Variants in PAPPA2 observed in about 807,000 individuals in gnomAD.
PAPPA2 encodes pappalysin 2, also known as pappalysin-2.
Under a neutral mutation model 176.4 loss-of-function variants are expected in PAPPA2, and 86 were observed. That is an observed-to-expected ratio of 0.49 (90% CI 0.41 to 0.58). PAPPA2 has a LOEUF of 0.58. Among genes scored for constraint, PAPPA2 ranks in the 20% least tolerant of loss-of-function variants. The pLI is 0.00. For missense variants in PAPPA2, 2,073 were observed against 2,256.9 expected (o/e 0.92, Z 1.65); for synonymous variants, 809 against 852.2 (o/e 0.95, Z 0.88).
chr1:176,595,526 A>T lies in PAPPA2; in HGVS notation c.1922A>T (p.Asp641Val). ...ECNNMLNDFD[D>V]GDCCDPQVAD... ...AACAACATGCTGAACGACTTTGACGACGGAGACTGCTGCGACCCCCAGGTG... is the reference window on the plus strand; with the variant it reads ...AACAACATGCTGAACGACTTTGACGTCGGAGACTGCTGCGACCCCCAGGTG... Residue 641 changes from aspartate to valine, a missense_variant, in exon 3 of 23, where the codon GAC becomes GTC. Coordinates refer to ENST00000367662, the MANE Select transcript of PAPPA2 (RefSeq NM_020318.3). 1 of 1,614,164 alleles carries T rather than the reference A, an allele frequency of 6.2e-7. No homozygotes were observed. Among genetic ancestry groups the T allele is most frequent in the Non-Finnish European group, 8.5e-7 (1 of 1,180,024 alleles).
rs571639210 is a variant in PAPPA2 at position 176,615,650 on chromosome 1, A to G, written c.1991+20055A>G. The stretch of plus-strand genomic sequence containing the variant: ...CCTGGAGGTTTTTAATAAAAGCACA[A>G]AGTGAGATTTATAGAAACACATGAA... On this transcript the variant is annotated intron_variant, in intron 3 of 22. Coordinates refer to ENST00000367662, the MANE Select transcript of PAPPA2 (RefSeq NM_020318.3). Among the ~76,000 whole-genome samples, 131 of 152,302 alleles carry G rather than the reference A, an allele frequency of 8.6e-4. 1 individual carries two copies. The highest frequency in any genetic ancestry group is 2.9e-3 in the African/African-American group (120 of 41,566).
intron 3 of PAPPA2, among the ~76,000 whole-genome samples, chr1:176,596,588 G>C (rs1558462098): frequency 1.3e-5 from 2 of 152,188 alleles, no homozygotes; most frequent in African/African-American, 2.4e-5. Context: ...TAGTACTTCA[G>C]ATAATTTGTC....
At chr1:176,570,137 G>A (rs919960328) in intron 2 of PAPPA2, among the ~76,000 whole-genome samples, 1 of 152,126 alleles carries the variant, frequency 6.6e-6, no homozygotes, top group Non-Finnish European at 1.5e-5. Flanking sequence ...TCCCGTGGGC[G>A]GGAGGAAGAG....
At chr1:176,499,911 T>C (rs952638327) in intron 1 of PAPPA2, among the ~76,000 whole-genome samples, 1 of 152,210 alleles carries the variant, frequency 6.6e-6, no homozygotes, top group African/African-American at 2.4e-5. Context: ...TGAGTCGTGA[T>C]GTGTCCCTCT....
chr1:176,695,694 A>G (rs903839522), intron 6 of PAPPA2, 44 bp from the exon 7 acceptor site: 1 of 1,607,620 alleles, frequency 6.2e-7, no homozygotes, highest in Admixed American at 1.7e-5. Flanking sequence ...AACTCATCTG[A>G]TGGACTCTCC....
At chr1:176,638,596 C>A (rs941505057) in intron 3 of PAPPA2, among the ~76,000 whole-genome samples, 4 of 152,106 alleles carry the variant, frequency 2.6e-5, no homozygotes, top group Middle Eastern at 3.4e-3. Context: ...GACTGAATGC[C>A]AGTGACTTGA....
chr1:176,764,839 G>A (rs1004009882), intron 14 of PAPPA2, among the ~76,000 whole-genome samples: 2 of 152,222 alleles, frequency 1.3e-5, no homozygotes, highest in African/African-American at 4.8e-5. Flanking sequence ...CTCGTGATCC[G>A]CCCGCCTTGG....
At chr1:176,623,686 TCTCTCTCTTTCCTTTCTTTCTTTTC>T (rs1655795135) in intron 3 of PAPPA2, among the ~76,000 whole-genome samples, 1 of 145,002 alleles carries the variant, frequency 6.9e-6, no homozygotes, top group South Asian at 2.3e-4. Context: ...TCTTTCTTTC[TCTCTCTCTTTCCTTTCTTTCTTTTC>T]TTCTTTCTTT....
At chr1:176,573,339 C>T (rs914980455) in intron 2 of PAPPA2, among the ~76,000 whole-genome samples, 1 of 152,122 alleles carries the variant, frequency 6.6e-6, no homozygotes, top group African/African-American at 2.4e-5. Context: ...ACAGGTAGCT[C>T]TCCACTTCTG....
intron 21 of PAPPA2, among the ~76,000 whole-genome samples, chr1:176,812,449 G>T (rs1484776004): frequency 6.6e-6 from 1 of 152,078 alleles, no homozygotes; most frequent in Non-Finnish European, 1.5e-5. Flanking sequence ...TTTTCACAGG[G>T]ACTTTGCTCA....
chr1:176,743,033 ATG>A (rs1448023793), intron 14 of PAPPA2, among the ~76,000 whole-genome samples: 20 of 152,184 alleles, frequency 1.3e-4, no homozygotes, highest in Admixed American at 9.8e-4. Flanking sequence ...AGTGATGTTC[ATG>A]ATCTTTGTCT....
At chr1:176,827,899 GTTTTCTAT>G (rs1666920344) in intron 21 of PAPPA2, among the ~76,000 whole-genome samples, 2 of 152,080 alleles carry the variant, frequency 1.3e-5, no homozygotes, top group Non-Finnish European at 2.9e-5. Flanking sequence ...ATAAAAGAAA[GTTTTCTAT>G]TTTTCCTTTA....
intron 12 of PAPPA2, among the ~76,000 whole-genome samples, chr1:176,725,240 A>G (rs1320328823): frequency 1.3e-5 from 2 of 152,232 alleles, no homozygotes; most frequent in Non-Finnish European, 2.9e-5. Context: ...CCATTCAAAA[A>G]TGCAAAAACT....
intron 3 of PAPPA2, among the ~76,000 whole-genome samples, chr1:176,643,290 A>G (rs1051850284): frequency 6.6e-6 from 1 of 151,924 alleles, no homozygotes; most frequent in African/African-American, 2.4e-5. Context: ...ATTCAGACCA[A>G]TGCTCTAAAA....
At chr1:176,571,531 G>T (rs1411236962) in intron 2 of PAPPA2, among the ~76,000 whole-genome samples, 5 of 152,208 alleles carry the variant, frequency 3.3e-5, no homozygotes, top group Non-Finnish European at 7.4e-5. Flanking sequence ...CTTCTGTGAA[G>T]ATGTGATGTC....
chr1:176,610,048 A>G (rs1287545916), intron 3 of PAPPA2, among the ~76,000 whole-genome samples: 1 of 152,118 alleles, frequency 6.6e-6, no homozygotes, highest in African/African-American at 2.4e-5. Flanking sequence ...AGCACGAAAC[A>G]TGAATCACCC....
chr1:176,794,271 A>G (rs1188323293), intron 20 of PAPPA2, among the ~76,000 whole-genome samples: 1 of 152,216 alleles, frequency 6.6e-6, no homozygotes, highest in East Asian at 1.9e-4. Context: ...GGGTTCAAAT[A>G]CAATGTCACT....
At chr1:176,736,574 A>G (rs753711523) in intron 12 of PAPPA2, among the ~76,000 whole-genome samples, 1 of 147,312 alleles carries the variant, frequency 6.8e-6, no homozygotes, top group Non-Finnish European at 1.5e-5. Context: ...ATATATTTAT[A>G]TTTAAATTAA....
In PAPPA2 at chr1:176,690,763, G is replaced by C. The variant is rs116265606; in HGVS notation, c.2431+333G>C. ...AATGTGGTTATTCTTATTTTTGCCC[G>C]CATTCTTAGACATTTACTCTGAAGA... is the stretch of plus-strand genomic sequence containing the variant. On this transcript the variant is annotated intron_variant, in intron 5 of 22. Transcript: ENST00000367662. 8 of 1,108,828 alleles carry C rather than the reference G, an allele frequency of 7.2e-6. No homozygotes were observed. In the Admixed American group the frequency reaches 3.7e-4, roughly 51 times the overall value. The allele number at this position is 1,108,828 out of a possible 1,614,324, so 68.7% of individuals were successfully genotyped here.
Sources: allele counts gnomAD v4.1 joint callset (sites outside exome capture counted in the v4.1 genomes callset), GRCh38; gene constraint gnomAD v4.1.1; transcripts MANE v1.5; gene names NCBI Gene and HGNC (gene_info 2026-07-23, HGNC 2026-07-21).